Variants in TSHZ3 observed in about 807,000 individuals in gnomAD.
TSHZ3 encodes teashirt homolog 3.
Under a neutral mutation model 64.5 loss-of-function variants are expected in TSHZ3, and 10 were observed. That is an observed-to-expected ratio of 0.16 (90% CI 0.10 to 0.26). The LOEUF (loss-of-function observed/expected upper bound fraction) is 0.26. Ranked by LOEUF, TSHZ3 falls within the 10% of genes least tolerant of loss-of-function variation. The pLI, the probability that TSHZ3 is intolerant of heterozygous loss-of-function variation, is 1.00. For missense variants in TSHZ3, 1,242 were observed against 1,421.7 expected (o/e 0.87, Z 2.03); for synonymous variants, 608 against 593.1 (o/e 1.03, Z -0.36).
rs117614883 is a variant in TSHZ3 at position 31,214,384 on chromosome 19, G to A, written n.687-9306C>T. Among the ~76,000 whole-genome samples the A allele has an allele frequency of 6.1e-3, 927 of 152,322 alleles. 8 individuals carry two copies. Among genetic ancestry groups the A allele is most frequent in the South Asian group, 0.012 (60 of 4,826 alleles). On this transcript the variant is annotated intron_variant and non_coding_transcript_variant, in intron 4 of 6. Transcript: ENST00000651361. The stretch of plus-strand genomic sequence containing the variant: ...GAGGAGCTAGCTTTGCTGATGGTGT[G>A]GTGCAGGAAGTGACTCTGCCCCATA...
chr19:31,212,767 G>T (rs772370479), intron 4 of TSHZ3, among the ~76,000 whole-genome samples: 1 of 152,144 alleles, frequency 6.6e-6, no homozygotes, highest in Non-Finnish European at 1.5e-5. Flanking sequence ...ACCCAAAGGA[G>T]ATTAAAATTT....
intron 1 of TSHZ3, among the ~76,000 whole-genome samples, chr19:31,286,609 G>A (rs929580495): frequency 3.3e-5 from 5 of 152,196 alleles, no homozygotes; most frequent in African/African-American, 1.2e-4. Context: ...CTCGGGATGA[G>A]TCACTGGAGG....
intron 5 of TSHZ3, among the ~76,000 whole-genome samples, chr19:31,169,562 T>C (rs1974506792): frequency 2.0e-5 from 3 of 152,114 alleles, no homozygotes; most frequent in African/African-American, 7.2e-5. Flanking sequence ...TATACAACAA[T>C]ATGAATGCAC....
At chr19:31,342,279 C>A (rs910084082) in intron 1 of TSHZ3, among the ~76,000 whole-genome samples, 1 of 152,162 alleles carries the variant, frequency 6.6e-6, no homozygotes, top group Non-Finnish European at 1.5e-5. Context: ...GCCACACCAA[C>A]GGCAGCTTTC....
chr19:31,350,768 C>G (rs975446518), upstream of TSHZ3, among the ~76,000 whole-genome samples: 104 of 149,096 alleles, frequency 7.0e-4, no homozygotes, highest in African/African-American at 2.5e-3. Flanking sequence ...GGGCGACCCC[C>G]GGGCGGCGGC....
chr19:31,238,298 C>T (rs1252726789), intron 3 of TSHZ3, among the ~76,000 whole-genome samples: 4 of 150,428 alleles, frequency 2.7e-5, no homozygotes, highest in East Asian at 1.9e-4. Flanking sequence ...CTCTGTCACC[C>T]GGACTGCAGA....
rs1229613838 is a variant in TSHZ3, at chr19:31,234,209, T to G, written n.551-6069A>C. 2.0e-5 allele frequency among the ~76,000 whole-genome samples: 3 copies of G among 152,336 alleles called. No homozygotes were observed. In the East Asian group the frequency reaches 5.8e-4, roughly 29 times the overall value. On this transcript the variant is annotated intron_variant and non_coding_transcript_variant, in intron 3 of 6. Coordinates refer to the TSHZ3 transcript ENST00000651361. ...GTTGTTCATAATAATTAACTTCATA[T>G]ATTCATCTTGTATTCTGTGACGTTG...
At position 31,278,007 on chromosome 19, in the gene TSHZ3, T is replaced by C; in HGVS notation, c.1786A>G (p.Ser596Gly). Reference protein sequence around the residue: ...TKNQTLVSPPSSQTSPMPKTN... With the variant: ...TKNQTLVSPPGSQTSPMPKTN... Reference sequence around the variant, plus strand: ...TTGGGCATGGGGGACGTCTGGCTGCTGGGTGGAGAGACCAGGGTCTGGTTT... The same window carrying C: ...TTGGGCATGGGGGACGTCTGGCTGCCGGGTGGAGAGACCAGGGTCTGGTTT... The change falls in exon 2 of 2, where the codon AGC becomes GGC. Residue 596 changes from serine (S) to glycine (G), a missense_variant. Ser to Gly is a moderately conservative substitution (Grantham distance 56). Around this residue, in one of 4 missense-constraint regions of TSHZ3, gnomAD observed 550 missense variants for 545.1 expected, o/e 1.01. Transcript: ENST00000240587. The surrounding 1 kb of genome is among the most constrained non-coding windows in gnomAD (Gnocchi z 4.7). The C allele has an allele frequency of 1.2e-6, 2 of 1,614,022 alleles. No individual in the cohort carries two copies. Among genetic ancestry groups the C allele is most frequent in the Middle Eastern group, 3.3e-4 (2 of 6,060 alleles).
At chr19:31,349,473 C>G, upstream of TSHZ3, 1 of 297,664 alleles carries the variant, frequency 3.4e-6, no homozygotes, top group Non-Finnish European at 6.1e-6. Flanking sequence ...GGGAGGAGCA[C>G]GGGGGGGAGG....
Position 31,151,749 on chromosome 19 carries a change from CACA to C in TSHZ3, n.872-8_872-6del, listed in dbSNP as rs534058263. Among the ~76,000 whole-genome samples the C allele has an allele frequency of 3.0e-4, 45 of 152,262 alleles. 1 individual carries two copies. The South Asian group carries it at 3.7e-3, about 13-fold the overall frequency. On this transcript the variant is annotated splice_region_variant and splice_polypyrimidine_tract_variant and intron_variant and non_coding_transcript_variant, in intron 6 of 6. Transcript: ENST00000651361. ...TGAAACATAGGGCTTCTCTTCCTAGCACAACAACAGAGAGGGAAGAACAAAAAT... is the reference window on the plus strand; with the variant it reads ...TGAAACATAGGGCTTCTCTTCCTAGCACAACAGAGAGGGAAGAACAAAAAT...
chr19:31,283,647 A>G (rs768005908), intron 1 of TSHZ3, among the ~76,000 whole-genome samples: 1 of 152,164 alleles, frequency 6.6e-6, no homozygotes, highest in Non-Finnish European at 1.5e-5. Flanking sequence ...CCTCGGCTAC[A>G]TGTCTATCAT....
At chr19:31,185,027 GACAGGGACA>G (rs1974781476) in intron 5 of TSHZ3, among the ~76,000 whole-genome samples, 1 of 151,824 alleles carries the variant, frequency 6.6e-6, no homozygotes, top group Non-Finnish European at 1.5e-5. Context: ...ACCCTCCTGA[GACAGGGACA>G]CCTTTCTCAG....
At chr19:31,271,924 T>A (rs545756253), downstream of TSHZ3, among the ~76,000 whole-genome samples, 1 of 152,230 alleles carries the variant, frequency 6.6e-6, no homozygotes, top group Non-Finnish European at 1.5e-5. Flanking sequence ...GGAGTTTGCA[T>A]GTTTTCAGTG....
intron 5 of TSHZ3, among the ~76,000 whole-genome samples, chr19:31,158,273 A>G (rs1366306687): frequency 6.6e-6 from 1 of 152,150 alleles, no homozygotes; most frequent in Non-Finnish European, 1.5e-5. Flanking sequence ...GACAATAGAG[A>G]AAAAAATATA....
chr19:31,239,275 ATAAG>A (rs1162400790), intron 3 of TSHZ3, among the ~76,000 whole-genome samples: 1 of 152,038 alleles, frequency 6.6e-6, no homozygotes, highest in Non-Finnish European at 1.5e-5. Flanking sequence ...TATTTATGTG[ATAAG>A]TAATTAGTTT....
intron 1 of TSHZ3, among the ~76,000 whole-genome samples, chr19:31,301,820 T>C (rs1251669541): frequency 6.6e-6 from 1 of 152,144 alleles, no homozygotes; most frequent in Admixed American, 6.5e-5. Flanking sequence ...CTGTACGTTT[T>C]ACCTATGCTG....
chr19:31,324,261 C>T (rs529533277), intron 1 of TSHZ3, among the ~76,000 whole-genome samples: 1 of 152,232 alleles, frequency 6.6e-6, no homozygotes, highest in South Asian at 2.1e-4. Context: ...ATTATAAATC[C>T]AGTCTGAATT....
chr19:31,347,458 GA>G (rs199774492), intron 1 of TSHZ3, among the ~76,000 whole-genome samples: 234 of 149,832 alleles, frequency 1.6e-3, no homozygotes, highest in African/African-American at 4.9e-3. Context: ...AAAAAGGAAA[GA>G]AAAAAAAAAT....
At chr19:31,296,222 T>C (rs945562945) in intron 1 of TSHZ3, among the ~76,000 whole-genome samples, 33 of 151,626 alleles carry the variant, frequency 2.2e-4, no homozygotes, top group Non-Finnish European at 3.8e-4. Context: ...GCAGATACTG[T>C]TGTGGGGAAT....
Sources: gnomAD v4.1 joint callset for allele counts (sites outside exome capture counted in the v4.1 genomes callset) on GRCh38, gnomAD v4.1.1 for gene constraint, gnomAD v4.1.1 regional missense constraint, Gnocchi (gnomAD v3.1) non-coding constraint, MANE v1.5 for transcripts, NCBI Gene and HGNC (gene_info 2026-07-23, HGNC 2026-07-21) for gene names.